BIVM: variants seen among roughly 807,000 people sequenced by gnomAD.
The protein encoded by BIVM is basic, immunoglobulin-like variable motif containing.
BIVM carries 31 observed loss-of-function variants against 61.4 expected under a neutral mutation model. The ratio of observed to expected loss-of-function variants is 0.51; its 90% confidence interval spans 0.38 to 0.68. The LOEUF (loss-of-function observed/expected upper bound fraction) is 0.68. BIVM is among the 30% of genes least tolerant of loss of function. The probability of loss-of-function intolerance (pLI) is 0.00; values close to 1 mark genes in which losing one functional copy is unlikely to be tolerated. For synonymous variants in BIVM, 189 were observed against 210.7 expected (o/e 0.90, Z 0.89); for missense variants, 526 against 596.0 (o/e 0.88, Z 1.22).
intron 9 of BIVM, among the ~76,000 whole-genome samples, chr13:102,835,194 C>G (rs1320072133): frequency 1.3e-5 from 2 of 151,972 alleles, no homozygotes; most frequent in African/African-American, 2.4e-5. Context: ...ACCTGGGCAA[C>G]ATAGTGAGAC....
Position 102,811,651 on chromosome 13 carries a change from G to T in BIVM, c.478+3906G>T, listed in dbSNP as rs188426700. Among the ~76,000 whole-genome samples, 24 of 152,212 alleles carry T rather than the reference G, an allele frequency of 1.6e-4. No homozygotes were observed. In the East Asian group the frequency reaches 4.6e-3, roughly 29 times the overall value. On this transcript the variant is annotated intron_variant, in intron 3 of 10. Transcript: ENST00000257336. The stretch of plus-strand genomic sequence containing the variant: ...CAATTCTCCTGCCTCAGCCTCCCAA[G>T]TAGCTGGGATTACAGGCGTGCGCCA...
intron 2 of BIVM, among the ~76,000 whole-genome samples, chr13:102,806,165 G>C (rs564944199): frequency 7.7e-6 from 1 of 129,518 alleles, no homozygotes; most frequent in South Asian, 2.2e-4. Flanking sequence ...CCATTCTAGC[G>C]TGTGTGAGGT....
At chr13:102,801,549 G>C (rs1168992717) in intron 1 of BIVM, 6 of 152,106 alleles carry the variant, frequency 3.9e-5, no homozygotes, top group Non-Finnish European at 1.5e-5. Flanking sequence ...CACCACGCCG[G>C]CTTAGTAAAT....
At chr13:102,834,377 C>A in intron 8 of BIVM, 89 bp from the exon 9 acceptor site, 2 of 1,303,504 alleles carry the variant, frequency 1.5e-6, no homozygotes, top group South Asian at 1.5e-5. Flanking sequence ...TTTGAATACA[C>A]TCTAGTATGC....
chr13:102,825,065 C>T (rs907394115), intron 7 of BIVM, among the ~76,000 whole-genome samples: 1 of 152,082 alleles, frequency 6.6e-6, no homozygotes, highest in Non-Finnish European at 1.5e-5. Context: ...GCCTCAGCCT[C>T]CCGAGTAGCT....
chr13:102,820,780 T>A lies in BIVM; in HGVS notation c.606-257T>A, dbSNP rs567752212. On this transcript the variant is annotated intron_variant, in intron 4 of 10. Transcript: ENST00000257336. ...ACTTTTAATAGGCGATATATCATTA[T>A]TTTTTTTCCCATTGGTTTGGATAAC... is the stretch of plus-strand genomic sequence containing the variant. The A allele has an allele frequency of 4.6e-5, 17 of 369,018 alleles. No homozygotes were observed. In the South Asian group the frequency reaches 5.4e-4, roughly 12 times the overall value. 22.9% of individuals were successfully genotyped at this position (369,018 alleles called of 1,614,324 possible). A position where few individuals can be genotyped will look rare whatever the true frequency, so the allele number is the denominator to read the frequency against.
chr13:102,815,595 C>A (rs1031972487), intron 3 of BIVM, among the ~76,000 whole-genome samples: 1 of 152,082 alleles, frequency 6.6e-6, no homozygotes, highest in Admixed American at 6.5e-5. Flanking sequence ...ATCTTATGTA[C>A]CCCTAAGCAT....
At position 102,807,521 on chromosome 13, in the gene BIVM, C is replaced by T; in HGVS notation, c.254C>T (p.Thr85Ile). 6.2e-7 allele frequency: 1 copy of T among 1,614,224 alleles called. No homozygotes were observed. The highest frequency in any genetic ancestry group is 8.5e-7 in the Non-Finnish European group (1 of 1,180,040). Residue 85 changes from threonine to isoleucine, a missense_variant, in exon 3 of 11, where the codon ACT becomes ATT. Thr to Ile is a moderately conservative substitution (Grantham distance 89). Coordinates refer to ENST00000257336, the MANE Select transcript of BIVM (RefSeq NM_017693.4). This position sits in a 1 kb window ranked among gnomAD's most constrained non-coding sequence, Gnocchi z 4.0. ...AACCAGGCGACCTCAATCTATAAAA[C>T]TCCAAATCCATCCCGCTCTCCTTGC... ...FLNQATSIYK[T>I]PNPSRSPCLP...
At chr13:102,828,136 C>T (rs941438843) in intron 7 of BIVM, among the ~76,000 whole-genome samples, 7 of 152,142 alleles carry the variant, frequency 4.6e-5, no homozygotes, top group African/African-American at 1.7e-4. Flanking sequence ...AAACTAAGCA[C>T]ACTAATGGAA....
rs1555320368 is a variant in BIVM, at chr13:102,801,263, T to TC, written c.-207+1742_-207+1743insC. ...GTAGTAAATTTTTTTTTTTTTTTTTTTGAGACGGAGTTTTGCTCTGATCGC... is the reference window on the plus strand; with the variant it reads ...GTAGTAAATTTTTTTTTTTTTTTTTTCTGAGACGGAGTTTTGCTCTGATCGC... On this transcript the variant is annotated intron_variant, in intron 1 of 10. Transcript: ENST00000257336. Among the ~76,000 whole-genome samples, 719 of 140,000 alleles carry TC rather than the reference T, an allele frequency of 5.1e-3. 5 individuals are homozygous for TC. Among genetic ancestry groups the TC allele is most frequent in the Middle Eastern group, 0.015 (4 of 272 alleles). 91.8% of individuals were successfully genotyped at this position (140,000 alleles called of 152,430 possible). A position where few individuals can be genotyped will look rare whatever the true frequency, so the allele number is the denominator to read the frequency against.
intron 8 of BIVM, 150 bp downstream of exon 8, chr13:102,831,847 G>C (rs771592139): frequency 3.7e-5 from 21 of 572,620 alleles, no homozygotes; most frequent in Non-Finnish European, 5.5e-5. Flanking sequence ...GGCTAACACG[G>C]TGAAACCCCG....
chr13:102,817,685 ATTT>A (rs76881766), intron 4 of BIVM, among the ~76,000 whole-genome samples: 7 of 144,174 alleles, frequency 4.9e-5, no homozygotes, highest in African/African-American at 1.0e-4. Flanking sequence ...CAAAATTCCA[ATTT>A]TTTTTTTTTT....
At chr13:102,836,367 C>G (rs1292166590) in intron 9 of BIVM, among the ~76,000 whole-genome samples, 1 of 152,200 alleles carries the variant, frequency 6.6e-6, no homozygotes, top group Non-Finnish European at 1.5e-5. Flanking sequence ...GGCCAGAGAA[C>G]AGCGGTGTGA....
chr13:102,805,277 T>C (rs1453370422), intron 1 of BIVM, 30 bp from the exon 2 acceptor site: 3 of 152,238 alleles, frequency 2.0e-5, no homozygotes, highest in African/African-American at 7.2e-5. Context: ...CCTCAGTTGC[T>C]ATTTAAGCTT....
rs1170755118 is a variant in BIVM, at chr13:102,799,528, C to CGGGGCGG, written c.-207+13_-207+19dup. The stretch of plus-strand genomic sequence containing the variant: ...CCCACCCGACAGGCCAGAGGTACCC[C>CGGGGCGG]GGGGCGGGGGGCAGGGGCCGAGGTG... On this transcript the variant is annotated splice_region_variant and intron_variant, in intron 1 of 10. Coordinates refer to ENST00000257336, the MANE Select transcript of BIVM (RefSeq NM_017693.4). The CGGGGCGG allele has an allele frequency of 2.0e-5, 3 of 152,398 alleles. No individual in the cohort carries two copies. Among genetic ancestry groups the CGGGGCGG allele is most frequent in the African/African-American group, 7.2e-5 (3 of 41,586 alleles). The allele number at this position is 152,398 out of a possible 1,614,324, so 9.4% of individuals were successfully genotyped here. A position where few individuals can be genotyped will look rare whatever the true frequency, so the allele number is the denominator to read the frequency against.
At chr13:102,830,797 AG>A (rs1255874519) in intron 7 of BIVM, among the ~76,000 whole-genome samples, 3 of 152,222 alleles carry the variant, frequency 2.0e-5, no homozygotes, top group Non-Finnish European at 4.4e-5. Context: ...CAAAGCGAGA[AG>A]GGTTCCTGCT....
intron 8 of BIVM, among the ~76,000 whole-genome samples, chr13:102,833,715 T>C (rs975292349): frequency 6.6e-6 from 1 of 152,090 alleles, no homozygotes; most frequent in African/African-American, 2.4e-5. Flanking sequence ...CTGAGACAGG[T>C]TGGAATGACC....
chr13:102,833,619 A>C (rs544284458), intron 8 of BIVM, among the ~76,000 whole-genome samples: 5 of 152,222 alleles, frequency 3.3e-5, no homozygotes, highest in South Asian at 4.2e-4. Flanking sequence ...CACCACACCC[A>C]GCCAGGATGG....
intron 4 of BIVM, among the ~76,000 whole-genome samples, chr13:102,819,004 G>A (rs1476612537): frequency 6.6e-6 from 1 of 151,988 alleles, no homozygotes; most frequent in African/African-American, 2.4e-5. Flanking sequence ...ATTGAACTCT[G>A]GCAAAAATAT....
Sources: gnomAD v4.1 joint callset for allele counts (sites outside exome capture counted in the v4.1 genomes callset) on GRCh38, gnomAD v4.1.1 for gene constraint, Gnocchi (gnomAD v3.1) non-coding constraint, MANE v1.5 for transcripts, NCBI Gene and HGNC (gene_info 2026-07-23, HGNC 2026-07-21) for gene names.